Variants in PHKB observed in about 807,000 individuals in gnomAD.
PHKB encodes phosphorylase b kinase regulatory subunit beta.
In PHKB, 122 loss-of-function variants were observed where a neutral mutation model predicts 152.1. The ratio of observed to expected loss-of-function variants is 0.80; its 90% CI spans 0.69 to 0.93. The LOEUF is 0.93. Ranked by LOEUF, PHKB falls within the 40% of genes least tolerant of loss-of-function variation. PHKB has a pLI of 0.00. For missense variants in PHKB, 1,304 were observed against 1,328.4 expected (o/e 0.98, Z 0.29); for synonymous variants, 436 against 464.9 (o/e 0.94, Z 0.80).
intron 26 of PHKB, among the ~76,000 whole-genome samples, chr16:47,679,698 A>T (rs1355187153): frequency 2.6e-5 from 4 of 152,350 alleles, no homozygotes; most frequent in South Asian, 2.1e-4. Context: ...CTAGATATAC[A>T]GTCATGTCAT....
intron 6 of PHKB, among the ~76,000 whole-genome samples, chr16:47,532,199 G>A (rs1243186586): frequency 6.6e-6 from 1 of 152,166 alleles, no homozygotes; most frequent in Non-Finnish European, 1.5e-5. Flanking sequence ...ATCAGTGAAG[G>A]ATACAAAGCA....
intron 26 of PHKB, among the ~76,000 whole-genome samples, chr16:47,684,770 G>C (rs994620573): frequency 6.7e-6 from 1 of 148,536 alleles, no homozygotes; most frequent in Admixed American, 6.7e-5. Flanking sequence ...GCAAGACTCC[G>C]TCTCAAAAAA....
chr16:47,686,058 A>C (rs979812556), intron 26 of PHKB, among the ~76,000 whole-genome samples: 28 of 152,292 alleles, frequency 1.8e-4, no homozygotes, highest in African/African-American at 6.7e-4. Context: ...TATTTTAATA[A>C]TATGACAGAT....
chr16:47,509,878 A>G (rs1251799115), intron 4 of PHKB, among the ~76,000 whole-genome samples: 1 of 152,164 alleles, frequency 6.6e-6, no homozygotes, highest in African/African-American at 2.4e-5. Context: ...AACAGATCCT[A>G]TAGGTTCAGA....
chr16:47,544,481 A>G (rs1425520854), intron 6 of PHKB, among the ~76,000 whole-genome samples: 1 of 152,132 alleles, frequency 6.6e-6, no homozygotes, highest in Non-Finnish European at 1.5e-5. Context: ...GTTCTTTTAC[A>G]TTTGCTGAGG....
At chr16:47,494,254 C>CCTAAAT (rs1017103455) in intron 1 of PHKB, among the ~76,000 whole-genome samples, 1 of 152,110 alleles carries the variant, frequency 6.6e-6, no homozygotes. Context: ...AGTATTCAAG[C>CCTAAAT]CTAAATCTAT....
At chr16:47,611,538 A>G (rs1384624204) in intron 14 of PHKB, among the ~76,000 whole-genome samples, 3 of 152,118 alleles carry the variant, frequency 2.0e-5, no homozygotes, top group Non-Finnish European at 4.4e-5. Flanking sequence ...AAGGGAATGA[A>G]CCTGCATGTG....
At chr16:47,534,676 A>T (rs1032321344) in intron 6 of PHKB, among the ~76,000 whole-genome samples, 1 of 152,218 alleles carries the variant, frequency 6.6e-6, no homozygotes, top group East Asian at 1.9e-4. Context: ...ATTAACTACC[A>T]AGGGAAAGGT....
Position 47,650,812 on chromosome 16 carries a change from GTTTA to G in PHKB, c.1881-13_1881-10del, listed in dbSNP as rs1363010282. ...ATTCTGTTGTTAATCTGTACATTTT[GTTTA>G]TTTATATTTTTTAGAGGTAGCCGGT... On this transcript the variant is annotated splice_polypyrimidine_tract_variant and intron_variant, in intron 19 of 30. Coordinates refer to ENST00000323584, the MANE Select transcript of PHKB (RefSeq NM_000293.3). 1.3e-6 allele frequency: 2 copies of G among 1,564,382 alleles called. No individual in the cohort carries two copies. Among genetic ancestry groups the G allele is most frequent in the Admixed American group, 1.7e-5 (1 of 59,946 alleles).
chr16:47,505,978 G>C (rs1231448369), intron 4 of PHKB, among the ~76,000 whole-genome samples: 1 of 148,842 alleles, frequency 6.7e-6, no homozygotes, highest in Non-Finnish European at 1.5e-5. Flanking sequence ...GTTGCAGTGA[G>C]CTGAGATCTC....
At chr16:47,687,110 GATGTTTA>G (rs1973978467) in intron 26 of PHKB, among the ~76,000 whole-genome samples, 1 of 152,108 alleles carries the variant, frequency 6.6e-6, no homozygotes, top group Non-Finnish European at 1.5e-5. Context: ...CAGGTCTTCC[GATGTTTA>G]ATTCAGTATT....
At position 47,580,326 on chromosome 16, in the gene PHKB, G is replaced by A; in HGVS notation, c.742G>A (p.Ala248Thr). Residue 248 changes from alanine (A) to threonine (T), a missense_variant, in exon 8 of 31, where the codon GCA (alanine) becomes ACA (threonine). Physicochemically the swap from Ala to Thr is moderately conservative, Grantham distance 58. Coordinates refer to ENST00000323584, the MANE Select transcript of PHKB (RefSeq NM_000293.3). ...TGGTTTAGCAAAAGCAGCTCTAGAA[G>A]CAATTAATGGATTCAACCTTTTTGG... ...SVGLAKAALEAINGFNLFGNQ... is the reference protein window; with the variant it reads ...SVGLAKAALETINGFNLFGNQ... The A allele has an allele frequency of 6.2e-7, 1 of 1,612,724 alleles. No homozygotes were observed. Among genetic ancestry groups the A allele is most frequent in the Non-Finnish European group, 8.5e-7 (1 of 1,179,100 alleles).
chr16:47,663,211 T>C (rs955296519), intron 23 of PHKB, among the ~76,000 whole-genome samples: 3 of 152,176 alleles, frequency 2.0e-5, no homozygotes, highest in African/African-American at 7.2e-5. Flanking sequence ...CACTGGTGTC[T>C]TTTGAGCAGT....
chr16:47,532,387 C>G (rs1357737586), intron 6 of PHKB, among the ~76,000 whole-genome samples: 2 of 152,182 alleles, frequency 1.3e-5, no homozygotes, highest in African/African-American at 4.8e-5. Flanking sequence ...CTTTTCTGGC[C>G]AGAAACCTCT....
intron 6 of PHKB, among the ~76,000 whole-genome samples, chr16:47,545,125 A>C (rs1971136302): frequency 6.6e-6 from 1 of 152,124 alleles, no homozygotes; most frequent in Admixed American, 6.5e-5. Context: ...TGTGAATTTG[A>C]TCCTGTCATT....
At chr16:47,552,666 G>T (rs901143581) in intron 7 of PHKB, among the ~76,000 whole-genome samples, 1 of 151,984 alleles carries the variant, frequency 6.6e-6, no homozygotes, top group African/African-American at 2.4e-5. Context: ...AAAATTAGCC[G>T]AGTGTGGTGG....
intron 6 of PHKB, among the ~76,000 whole-genome samples, chr16:47,538,300 G>A (rs1246017172): frequency 4.6e-5 from 7 of 152,226 alleles, no homozygotes; most frequent in Admixed American, 2.6e-4. Flanking sequence ...TCATGAAAGT[G>A]AGCAGGTTGT....
intron 13 of PHKB, among the ~76,000 whole-genome samples, chr16:47,608,835 G>A (rs1253073886): frequency 6.6e-6 from 1 of 152,178 alleles, no homozygotes; most frequent in Non-Finnish European, 1.5e-5. Context: ...TTATGCTAAT[G>A]CCACACTATT....
intron 1 of PHKB, among the ~76,000 whole-genome samples, chr16:47,472,358 T>C (rs1036818954): frequency 6.6e-6 from 1 of 152,126 alleles, no homozygotes; most frequent in African/African-American, 2.4e-5. Flanking sequence ...AAATCCCTGA[T>C]TAGAAAACAA....
Sources: gnomAD v4.1 joint callset for allele counts (sites outside exome capture counted in the v4.1 genomes callset) on GRCh38, gnomAD v4.1.1 for gene constraint, MANE v1.5 for transcripts, NCBI Gene and HGNC (gene_info 2026-07-23, HGNC 2026-07-21) for gene names.